Variants in CNTN5 observed in about 807,000 individuals in gnomAD.
CNTN5 encodes contactin-5.
Under a neutral mutation model 129.1 loss-of-function variants are expected in CNTN5, and 77 were observed. That is an observed-to-expected ratio of 0.60 (90% CI 0.50 to 0.72). The LOEUF (loss-of-function observed/expected upper bound fraction) is 0.72, where lower values mean the gene tolerates loss of function less well. Ranked by LOEUF, CNTN5 falls within the 30% of genes least tolerant of loss-of-function variation. The pLI is 0.00. For synonymous variants in CNTN5, 509 were observed against 465.6 expected (o/e 1.09, Z -1.20); for missense variants, 1,478 against 1,328.8 (o/e 1.11, Z -1.75).
chr11:99,058,739 T>C (rs1007634521), intron 1 of CNTN5, among the ~76,000 whole-genome samples: 3 of 151,658 alleles, frequency 2.0e-5, no homozygotes, highest in Non-Finnish European at 4.4e-5. Context: ...TCCTTCATTG[T>C]CATTAATCAA....
rs1226228843 is a variant in CNTN5 at position 99,287,506 on chromosome 11, CA to C, written c.-209-37839del. On this transcript the variant is annotated intron_variant, in intron 1 of 24. Transcript: ENST00000524871. ...ACAGGCAGGGAAGTTAAGAAATTGC[CA>C]TCCTTAAAGCTATTGCTTATCCAAA... Among the ~76,000 whole-genome samples, 3 of 152,008 alleles carry C rather than the reference CA, an allele frequency of 2.0e-5. No individual in the cohort carries two copies. The East Asian group carries it at 5.8e-4, about 29-fold the overall frequency.
chr11:99,787,582 T>A (rs1945579672), intron 3 of CNTN5, among the ~76,000 whole-genome samples: 1 of 150,996 alleles, frequency 6.6e-6, no homozygotes, highest in South Asian at 2.1e-4. Context: ...ACTCTTCTAA[T>A]CAATAAGTTG....
chr11:99,745,248 C>T (rs759699038), intron 3 of CNTN5, among the ~76,000 whole-genome samples: 8 of 152,062 alleles, frequency 5.3e-5, no homozygotes, highest in Non-Finnish European at 7.4e-5. Context: ...GAAGGTACAA[C>T]TTTTTAAATG....
At chr11:100,207,921 AG>A (rs1290668391) in intron 15 of CNTN5, among the ~76,000 whole-genome samples, 1 of 152,190 alleles carries the variant, frequency 6.6e-6, no homozygotes. Flanking sequence ...GAGAATTTAA[AG>A]TTCATTTTTG....
chr11:100,132,933 C>T (rs1421558563), intron 13 of CNTN5, among the ~76,000 whole-genome samples: 3 of 152,096 alleles, frequency 2.0e-5, no homozygotes, highest in Non-Finnish European at 4.4e-5. Context: ...AAAGGCAACT[C>T]ATATTTTCTA....
At chr11:99,561,343 C>A in intron 3 of CNTN5, among the ~76,000 whole-genome samples, 1 of 151,376 alleles carries the variant, frequency 6.6e-6, no homozygotes, top group African/African-American at 2.4e-5. Flanking sequence ...GGTTATAGTC[C>A]AAATAAATGA....
At chr11:99,292,100 T>C (rs889667176) in intron 1 of CNTN5, among the ~76,000 whole-genome samples, 2 of 152,026 alleles carry the variant, frequency 1.3e-5, no homozygotes, top group African/African-American at 4.8e-5. Flanking sequence ...GTAGAAACAG[T>C]ACTAATGTAA....
chr11:99,609,330 A>G (rs1026968513), intron 3 of CNTN5, among the ~76,000 whole-genome samples: 18 of 152,180 alleles, frequency 1.2e-4, no homozygotes, highest in African/African-American at 3.9e-4. Context: ...ACAGACCCCA[A>G]AAGATGAGTG....
chr11:99,094,665 G>A (rs761324456), intron 1 of CNTN5, among the ~76,000 whole-genome samples: 5 of 151,874 alleles, frequency 3.3e-5, no homozygotes, highest in African/African-American at 1.2e-4. Context: ...TAATGGCCAC[G>A]GAAGGAGTAG....
intron 15 of CNTN5, among the ~76,000 whole-genome samples, chr11:100,205,641 C>T (rs898429362): frequency 6.6e-6 from 1 of 151,762 alleles, no homozygotes; most frequent in South Asian, 2.1e-4. Context: ...TGGATTCAAC[C>T]AATGTGGATA....
chr11:99,342,609 C>T (rs1156801593), intron 2 of CNTN5, among the ~76,000 whole-genome samples: 6 of 102,020 alleles, frequency 5.9e-5, no homozygotes, highest in Admixed American at 4.1e-4. Context: ...AAAAGCAGGG[C>T]GTGGTGACAC....
intron 3 of CNTN5, among the ~76,000 whole-genome samples, chr11:99,790,673 C>G (rs1211711030): frequency 6.6e-6 from 1 of 151,928 alleles, no homozygotes; most frequent in Non-Finnish European, 1.5e-5. Context: ...TTTAGATTCC[C>G]TGGAGTATAT....
intron 1 of CNTN5, among the ~76,000 whole-genome samples, chr11:99,201,279 C>T (rs1309909783): frequency 2.0e-5 from 3 of 150,976 alleles, no homozygotes; most frequent in Non-Finnish European, 3.0e-5. Flanking sequence ...CCGCCTCAGC[C>T]TCCCAAAGTG....
chr11:100,231,141 G>A (rs1211589067), intron 16 of CNTN5, among the ~76,000 whole-genome samples: 2 of 152,178 alleles, frequency 1.3e-5, no homozygotes, highest in Non-Finnish European at 2.9e-5. Flanking sequence ...GCTTTCTGAT[G>A]CTATGGGAAG....
At chr11:99,635,192 T>C (rs920656079) in intron 3 of CNTN5, among the ~76,000 whole-genome samples, 3 of 152,184 alleles carry the variant, frequency 2.0e-5, no homozygotes, top group African/African-American at 7.2e-5. Flanking sequence ...TGTAGGTTAC[T>C]TATGTTGATA....
chr11:100,123,956 G>A (rs1362976786), intron 13 of CNTN5, among the ~76,000 whole-genome samples: 1 of 151,942 alleles, frequency 6.6e-6, no homozygotes, highest in African/African-American at 2.4e-5. Flanking sequence ...AGAGCTGTTA[G>A]GTAATAAAGA....
intron 9 of CNTN5, among the ~76,000 whole-genome samples, chr11:100,015,007 C>T (rs985601098): frequency 6.6e-6 from 1 of 152,124 alleles, no homozygotes; most frequent in Admixed American, 6.6e-5. Context: ...ATCTTTGACT[C>T]TTTCTTCCTT....
intron 13 of CNTN5, among the ~76,000 whole-genome samples, chr11:100,180,995 T>C (rs1030420540): frequency 7.9e-5 from 12 of 152,058 alleles, no homozygotes; most frequent in African/African-American, 2.2e-4. Flanking sequence ...ACATTTTGGC[T>C]GTTTCTTACG....
intron 18 of CNTN5, among the ~76,000 whole-genome samples, chr11:100,281,888 G>A (rs1034858648): frequency 6.6e-6 from 1 of 151,666 alleles, no homozygotes; most frequent in Admixed American, 6.6e-5. Flanking sequence ...TTTCTCCACT[G>A]TGTCAGTTGC....
Sources: allele counts gnomAD v4.1 joint callset (sites outside exome capture counted in the v4.1 genomes callset), GRCh38; gene constraint gnomAD v4.1.1; transcripts MANE v1.5; gene names NCBI Gene and HGNC (gene_info 2026-07-23, HGNC 2026-07-21).